MCM6: variants seen among roughly 807,000 people sequenced by gnomAD.
MCM6 encodes minichromosome maintenance complex component 6, also known as DNA replication licensing factor MCM6.
Under a neutral mutation model 94.3 loss-of-function variants are expected in MCM6, and 46 were observed. The observed-to-expected ratio is 0.49, with a 90% CI of 0.39 to 0.62. MCM6 has a LOEUF of 0.62. Among genes scored for constraint, MCM6 ranks in the 20% least tolerant of loss-of-function variants. The probability of loss-of-function intolerance (pLI) is 0.00; values close to 1 mark genes in which losing one functional copy is unlikely to be tolerated. For synonymous variants in MCM6, 335 were observed against 351.9 expected, an observed-to-expected ratio of 0.95 and a Z score of 0.54; for missense variants, 865 against 1,017.9, an observed-to-expected ratio of 0.85 and a Z score of 2.04.
chr2:135,848,273 A>G, intron 13 of MCM6, 85 bp from the exon 14 acceptor site: 1 of 1,037,862 alleles, frequency 9.6e-7, no homozygotes, highest in Non-Finnish European at 1.4e-6. Context: ...AGTAGTATGT[A>G]TTTTGGTTTT....
At chr2:135,867,808 C>T (rs1006600080) in intron 4 of MCM6, among the ~76,000 whole-genome samples, 10 of 152,062 alleles carry the variant, frequency 6.6e-5, no homozygotes, top group Admixed American at 6.6e-4. Flanking sequence ...AGGCGGATCA[C>T]GAAGTCAGGA....
At chr2:135,858,050 A>G in intron 9 of MCM6, 46 bp from the exon 10 acceptor site, 1 of 1,538,630 alleles carries the variant, frequency 6.5e-7, no homozygotes, top group Non-Finnish European at 9.0e-7. Context: ...TTCAAGCTGG[A>G]TGCATGGCTC....
intron 13 of MCM6, among the ~76,000 whole-genome samples, chr2:135,848,900 CA>C (rs1198572478): frequency 6.6e-6 from 1 of 151,048 alleles, no homozygotes; most frequent in African/African-American, 2.4e-5. Flanking sequence ...CAAAACAAAA[CA>C]AAAAAACAAC....
Position 135,868,715 on chromosome 2 carries a change from G to C in MCM6, c.511C>G (p.Gln171Glu). Residue 171 changes from glutamine (Q) to glutamate (E), a missense_variant, in exon 4 of 17, where the codon CAG (glutamine) becomes GAG (glutamate). Coordinates refer to ENST00000264156, the MANE Select transcript of MCM6 (RefSeq NM_005915.6). ...ATGTTTGGCTGTGTGTATTTGAACT[G>C]CTGTTCTACATCCCTGATCACTGTC... ...CQTVIRDVEQQFKYTQPNICR... is the reference protein window; with the variant it reads ...CQTVIRDVEQEFKYTQPNICR... 6.2e-7 allele frequency: 1 copy of C among 1,614,176 alleles called. No homozygotes were observed. The highest frequency in any genetic ancestry group is 8.5e-7 in the Non-Finnish European group (1 of 1,180,034).
chr2:135,841,016 G>C, intron 16 of MCM6, 65 bp from the exon 17 acceptor site: 1 of 1,127,308 alleles, frequency 8.9e-7, no homozygotes, highest in Non-Finnish European at 1.3e-6. Context: ...AGATATACAA[G>C]ACTTGACCCT....
chr2:135,854,034 C>A lies in MCM6; in HGVS notation c.1627-1119G>T, dbSNP rs74578917. On this transcript the variant is annotated intron_variant, in intron 11 of 16. Coordinates refer to ENST00000264156, the MANE Select transcript of MCM6 (RefSeq NM_005915.6). The stretch of plus-strand genomic sequence containing the variant: ...TTGAGCTCAGGAGTTCAAGACCAGT[C>A]CAGGCAACACGGCAAAACTCGGTCT... Among the ~76,000 whole-genome samples, 1,295 of 152,212 alleles carry A rather than the reference C, an allele frequency of 8.5e-3. 92 individuals are homozygous for A. In the East Asian group the frequency reaches 0.18, roughly 21 times the overall value.
rs1804609 is a variant in MCM6 at position 135,840,858 on chromosome 2, G to T, written c.2443C>A (p.Pro815Thr). Residue 815 changes from proline (P) to threonine (T), a missense_variant, in exon 17 of 17, where the codon CCT (proline) becomes ACT (threonine). Transcript: ENST00000264156. ...TCTCAATCTTCGAGCAAGTAGTTAGGGTTAACTACCAAGTAGGGATCTTCT... is the reference window on the plus strand; with the variant it reads ...TCTCAATCTTCGAGCAAGTAGTTAGTGTTAACTACCAAGTAGGGATCTTCT... ...YEEDPYLVVN[P>T]NYLLED 6.2e-7 allele frequency: 1 copy of T among 1,612,046 alleles called. No individual in the cohort carries two copies. The highest frequency in any genetic ancestry group is 8.5e-7 in the Non-Finnish European group (1 of 1,178,098).
chr2:135,856,840 G>T lies in MCM6; in HGVS notation c.1514C>A (p.Pro505Gln). The T allele has an allele frequency of 1.9e-6, 3 of 1,614,100 alleles. No homozygotes were observed. Among genetic ancestry groups the T allele is most frequent in the Non-Finnish European group, 2.5e-6 (3 of 1,179,984 alleles). The change falls in exon 11 of 17, where the codon CCA becomes CAA. Residue 505 changes from proline to glutamine, a missense_variant. By Grantham distance (76) the Pro-to-Gln change is moderately conservative (BLOSUM62 -1). Coordinates refer to ENST00000264156, the MANE Select transcript of MCM6 (RefSeq NM_005915.6). Reference sequence around the variant, plus strand: ...TGATCTGTCATAGTGTCCACTGATTGGGTTTGCTGCTGCCAAAATGGACGT... The same window carrying T: ...TGATCTGTCATAGTGTCCACTGATTTGGTTTGCTGCTGCCAAAATGGACGT... ...ARTSILAAAN[P>Q]ISGHYDRSKS...
At chr2:135,867,172 AAC>A (rs1309876509) in intron 4 of MCM6, among the ~76,000 whole-genome samples, 26 of 152,358 alleles carry the variant, frequency 1.7e-4, no homozygotes, top group East Asian at 1.9e-4. Context: ...TATGTATTTG[AAC>A]ACAGTTGTGA....
chr2:135,862,853 C>A, intron 7 of MCM6, 105 bp from the exon 8 acceptor site: 1 of 1,208,280 alleles, frequency 8.3e-7, no homozygotes. Context: ...AAGGCAGAGT[C>A]AGCTAAAGCA....
At chr2:135,865,208 C>CA in intron 6 of MCM6, 45 bp from the exon 7 acceptor site, 1 of 1,262,494 alleles carries the variant, frequency 7.9e-7, no homozygotes, top group South Asian at 2.4e-5. Flanking sequence ...TAGAAGCAGT[C>CA]AAAAGAGCAT....
At chr2:135,868,573 T>TAGATGG (rs1558762910) in intron 4 of MCM6, 38 bp downstream of exon 4, 1 of 1,596,436 alleles carries the variant, frequency 6.3e-7, no homozygotes, top group East Asian at 2.2e-5. Flanking sequence ...ATTATTATCA[T>TAGATGG]AGATGGACTC....
In MCM6 at chr2:135,876,404, A is replaced by G; in HGVS notation, c.-39T>C. ...CGAGGATTCGCCTGCGCCACGCTCG[A>G]CCGCCACAAGTCGCTTTTTTCCAGA... On this transcript the variant is annotated 5_prime_UTR_variant, in exon 1 of 17. Transcript: ENST00000264156. 6.6e-7 allele frequency: 1 copy of G among 1,525,446 alleles called. No individual in the cohort carries two copies. The highest frequency in any genetic ancestry group is 1.2e-5 in the South Asian group (1 of 85,368). The allele number at this position is 1,525,446 out of a possible 1,614,324, so 94.5% of individuals were successfully genotyped here.
At chr2:135,841,966 G>A (rs1188767919) in intron 16 of MCM6, among the ~76,000 whole-genome samples, 1 of 152,134 alleles carries the variant, frequency 6.6e-6, no homozygotes, top group Non-Finnish European at 1.5e-5. Context: ...TTAGCTGGGA[G>A]TGGTGGCGGG....
chr2:135,844,653 C>T lies in MCM6; in HGVS notation c.2241G>A (p.Glu747=), dbSNP rs781054087. ...TTTCCTTCAAGTACCAGTTAACAAGCTCGCTCCTCTTTAATGCTGACTCGT... is the reference window on the plus strand; with the variant it reads ...TTTCCTTCAAGTACCAGTTAACAAGTTCGCTCCTCTTTAATGCTGACTCGT... ...EEDESALKRS[E]LVNWYLKEIE... The change falls in exon 16 of 17, where the codon GAG becomes GAA. Residue 747 remains glutamate (E), a synonymous_variant. Transcript: ENST00000264156. The T allele has an allele frequency of 1.9e-6, 3 of 1,588,308 alleles. No individual in the cohort carries two copies. The highest frequency in any genetic ancestry group is 1.7e-6 in the Non-Finnish European group (2 of 1,169,882).
In MCM6 at chr2:135,851,445, A is replaced by G; in HGVS notation, c.1874T>C (p.Ile625Thr). The G allele has an allele frequency of 6.2e-7, 1 of 1,613,844 alleles. No individual in the cohort carries two copies. Among genetic ancestry groups the G allele is most frequent in the Non-Finnish European group, 8.5e-7 (1 of 1,179,882 alleles). ...CCGAGCCATAGCTTCAGAGAGACGA[A>G]TCATGCTCTCAAGCTGTCGCACTGT... ...RITVRQLESM[I>T]RLSEAMARMH... Residue 625 changes from isoleucine (I) to threonine (T), a missense_variant, in exon 13 of 17, where the codon ATT becomes ACT. Physicochemically the swap from Ile to Thr is moderately conservative, Grantham distance 89 (BLOSUM62 -1). Transcript: ENST00000264156.
intron 2 of MCM6, among the ~76,000 whole-genome samples, chr2:135,870,806 G>A (rs1680186668): frequency 6.6e-6 from 1 of 152,174 alleles, no homozygotes; most frequent in South Asian, 2.1e-4. Context: ...GAGTGCAGTG[G>A]CACGATCACA....
At chr2:135,854,263 T>G (rs1347885579) in intron 11 of MCM6, among the ~76,000 whole-genome samples, 1 of 151,604 alleles carries the variant, frequency 6.6e-6, no homozygotes, top group African/African-American at 2.4e-5. Context: ...CTGGGCCCGG[T>G]GGCTCACGCC....
chr2:135,843,737 A>AAAAAAAAAACC (rs1553437367), intron 16 of MCM6, among the ~76,000 whole-genome samples: 7 of 150,686 alleles, frequency 4.6e-5, no homozygotes, highest in African/African-American at 1.5e-4. Context: ...TCTCAAAAAA[A>AAAAAAAAAACC]AAAAAAAAAA....
Sources: gnomAD v4.1 joint callset for allele counts (sites outside exome capture counted in the v4.1 genomes callset) on GRCh38, gnomAD v4.1.1 for gene constraint, MANE v1.5 for transcripts, NCBI Gene and HGNC (gene_info 2026-07-23, HGNC 2026-07-21) for gene names.